The following COL11A1 variants were observed in gnomAD, a reference collection of about 807,000 sequenced individuals.
COL11A1 encodes collagen type XI alpha 1 chain, also known as collagen alpha-1(XI) chain.
A neutral mutation model predicts 265.2 loss-of-function variants in COL11A1; 74 were observed. That is an observed-to-expected ratio of 0.28 (90% confidence interval 0.23 to 0.34). The LOEUF (loss-of-function observed/expected upper bound fraction) is 0.34, where lower values mean the gene tolerates loss of function less well. Ranked by LOEUF, COL11A1 falls within the 10% of genes least tolerant of loss-of-function variation. The probability of loss-of-function intolerance (pLI) is 1.00; values close to 1 mark genes in which losing one functional copy is unlikely to be tolerated. For synonymous variants in COL11A1, 816 were observed against 727.6 expected (o/e 1.12, Z -1.96); for missense variants, 2,165 against 2,263.6 (o/e 0.96, Z 0.88).
intron 44 of COL11A1, 39 bp from the exon 45 acceptor site, chr1:102,935,152 C>A (rs780688426): frequency 1.3e-6 from 2 of 1,539,836 alleles, no homozygotes; most frequent in Non-Finnish European, 1.8e-6. Flanking sequence ...TAAAGTGAAG[C>A]CAGAAGAGCC....
chr1:103,094,153 G>A (rs1399442302), intron 1 of COL11A1, among the ~76,000 whole-genome samples: 2 of 152,068 alleles, frequency 1.3e-5, no homozygotes, highest in African/African-American at 4.8e-5. Flanking sequence ...AGGTGTGGGG[G>A]CAAAGGGTTT....
chr1:102,945,566 G>T (rs2101384325), intron 42 of COL11A1, among the ~76,000 whole-genome samples: 1 of 152,130 alleles, frequency 6.6e-6, no homozygotes, highest in African/African-American at 2.4e-5. Context: ...GAGTATTTTT[G>T]AATATAAGCT....
chr1:103,022,205 C>T (rs974589752), intron 8 of COL11A1, among the ~76,000 whole-genome samples: 4 of 151,820 alleles, frequency 2.6e-5, no homozygotes, highest in African/African-American at 9.7e-5. Context: ...ACATTTAAAA[C>T]AACCTATTAA....
At chr1:102,949,328 A>C (rs1659638996) in intron 41 of COL11A1, among the ~76,000 whole-genome samples, 1 of 151,960 alleles carries the variant, frequency 6.6e-6, no homozygotes, top group African/African-American at 2.4e-5. Flanking sequence ...TCAAATCTAG[A>C]ATAAGCATTC....
At chr1:103,006,939 C>T (rs1270839721) in intron 15 of COL11A1, among the ~76,000 whole-genome samples, 2 of 152,134 alleles carry the variant, frequency 1.3e-5, no homozygotes, top group Non-Finnish European at 2.9e-5. Flanking sequence ...TGATGGAACA[C>T]ACTCTTAACT....
chr1:102,978,557 A>ATTAT, intron 35 of COL11A1, 151 bp downstream of exon 35: 1 of 850,124 alleles, frequency 1.2e-6, no homozygotes, highest in Non-Finnish European at 1.9e-6. Context: ...GTGAAGAGGA[A>ATTAT]TAAATTAAAA....
At position 102,940,433 on chromosome 1, in the gene COL11A1, C is replaced by T. The variant is rs1477374848; in HGVS notation, c.3278G>A (p.Gly1093Glu). The change falls in exon 43 of 67, where the codon GGA becomes GAA. Residue 1093 changes from glycine (G) to glutamate (E), a missense_variant and splice_region_variant. Gly to Glu is a moderately conservative substitution (Grantham distance 98). Transcript: ENST00000370096. Reference protein sequence around the residue: ...PGPAGEKGAPGEKGPQGPAGR... With the variant: ...PGPAGEKGAPEEKGPQGPAGR... ...TGCAGGCCCTTGGGGACCTTTTTCT[C>T]CCTGTATTGAATATCCAAAGATCAT... 1 of 1,610,734 alleles carries T rather than the reference C, an allele frequency of 6.2e-7. No individual in the cohort carries two copies. The highest frequency in any genetic ancestry group is 1.7e-5 in the Admixed American group (1 of 59,884).
intron 46 of COL11A1, among the ~76,000 whole-genome samples, chr1:102,924,249 A>G (rs1656323545): frequency 6.6e-6 from 1 of 152,020 alleles, no homozygotes; most frequent in South Asian, 2.1e-4. Flanking sequence ...TTTCAAATCT[A>G]TTTCCATTGT....
Position 102,912,197 on chromosome 1 carries a change from A to G in COL11A1, c.4048T>C (p.Ser1350Pro). 1.2e-6 allele frequency: 2 copies of G among 1,611,506 alleles called. No individual in the cohort carries two copies. Among genetic ancestry groups the G allele is most frequent in the Middle Eastern group, 1.7e-4 (1 of 6,052 alleles). ...DPGQPGPPGP[S>P]GEAGPPGPPG... The stretch of plus-strand genomic sequence containing the variant: ...GGACCTGGTGGGCCAGCCTCACCAG[A>G]TGGGCCAGGAGGACCCTATAAAATG... The change falls in exon 54 of 67, where the codon TCT (serine) becomes CCT (proline). Residue 1350 changes from serine (S) to proline (P), a missense_variant. Transcript: ENST00000370096.
intron 41 of COL11A1, among the ~76,000 whole-genome samples, chr1:102,949,847 C>A (rs1659703545): frequency 6.6e-6 from 1 of 152,108 alleles, no homozygotes; most frequent in African/African-American, 2.4e-5. Flanking sequence ...CACTTAAGAG[C>A]CACTTCTACC....
Position 103,108,186 on chromosome 1 carries a change from C to G in COL11A1, c.-8G>C, listed in dbSNP as rs1028256951. 1 of 1,612,196 alleles carries G rather than the reference C, an allele frequency of 6.2e-7. No individual in the cohort carries two copies. The highest frequency in any genetic ancestry group is 8.5e-7 in the Non-Finnish European group (1 of 1,178,690). On this transcript the variant is annotated 5_prime_UTR_variant, in exon 1 of 67. Transcript: ENST00000370096. ...AGAGGACCACGGCTCCATCTCCGAGCCCCGCACTCACAACTGTGAACTCAA... is the reference window on the plus strand; with the variant it reads ...AGAGGACCACGGCTCCATCTCCGAGGCCCGCACTCACAACTGTGAACTCAA...
chr1:103,018,664 A>C (rs1666756813), intron 10 of COL11A1, among the ~76,000 whole-genome samples, 154 bp downstream of exon 10: 1 of 152,210 alleles, frequency 6.6e-6, no homozygotes, highest in African/African-American at 2.4e-5. Flanking sequence ...GACAAATCAG[A>C]AGGCAGTTCA....
intron 1 of COL11A1, among the ~76,000 whole-genome samples, chr1:103,098,896 A>T (rs1674005590): frequency 6.6e-6 from 1 of 151,848 alleles, no homozygotes; most frequent in African/African-American, 2.4e-5. Flanking sequence ...TAGAACCAAA[A>T]TAGAGACTGA....
intron 46 of COL11A1, among the ~76,000 whole-genome samples, chr1:102,930,878 G>C (rs1470810186): frequency 1.1e-4 from 17 of 150,450 alleles, no homozygotes; most frequent in Admixed American, 3.3e-4. Context: ...GTTTATTTGC[G>C]TAGAGGTGTT....
At chr1:103,016,206 C>T (rs562418518) in intron 11 of COL11A1, among the ~76,000 whole-genome samples, 1 of 152,006 alleles carries the variant, frequency 6.6e-6, no homozygotes, top group Non-Finnish European at 1.5e-5. Flanking sequence ...TACTTAACTA[C>T]ATACTATATT....
intron 53 of COL11A1, among the ~76,000 whole-genome samples, chr1:102,912,745 G>A (rs938621258): frequency 7.9e-5 from 12 of 152,126 alleles, no homozygotes; most frequent in Admixed American, 5.9e-4. Flanking sequence ...ATTGAGTGAT[G>A]GGGGTGGTTA....
In COL11A1 at chr1:103,002,499, A is replaced by G. The variant is rs753666619; in HGVS notation, c.2044-18T>C. The stretch of plus-strand genomic sequence containing the variant: ...TGGGGACCCTGCCAGAGGAAAATAT[A>G]AAAAGTTTTTAATGGGCTATATTAC... On this transcript the variant is annotated intron_variant, in intron 22 of 66. Transcript: ENST00000370096. The G allele has an allele frequency of 1.9e-6, 3 of 1,597,296 alleles. No homozygotes were observed. Among genetic ancestry groups the G allele is most frequent in the East Asian group, 4.5e-5 (2 of 44,596 alleles).
intron 14 of COL11A1, among the ~76,000 whole-genome samples, chr1:103,010,723 C>T (rs535465148): frequency 1.4e-3 from 213 of 147,372 alleles, no homozygotes; most frequent in Admixed American, 2.3e-3. Flanking sequence ...TTTTTTGAGA[C>T]GGAGTCTAGC....
intron 14 of COL11A1, among the ~76,000 whole-genome samples, chr1:103,011,446 C>A (rs1349055102): frequency 1.3e-5 from 2 of 151,476 alleles, no homozygotes; most frequent in Non-Finnish European, 1.5e-5. Context: ...AATGTATATT[C>A]CTGCAAAATA....
Sources: gnomAD v4.1 joint callset for allele counts (sites outside exome capture counted in the v4.1 genomes callset) on GRCh38, gnomAD v4.1.1 for gene constraint, MANE v1.5 for transcripts, NCBI Gene and HGNC (gene_info 2026-07-23, HGNC 2026-07-21) for gene names.